The following WDR86 variants were observed in gnomAD, a reference collection of about 807,000 sequenced individuals.
WDR86 encodes WD repeat domain 86, also known as WD repeat-containing protein 86.
WDR86 carries 30 observed loss-of-function variants against 36.5 expected under a neutral mutation model. The observed-to-expected ratio is 0.82, with a 90% CI of 0.61 to 1.11. The LOEUF is 1.11. WDR86 is among the 50% of genes most tolerant of loss of function. The probability of loss-of-function intolerance (pLI) is 0.00; values close to 1 mark genes in which losing one functional copy is unlikely to be tolerated. For missense variants in WDR86, 545 were observed against 561.2 expected, an observed-to-expected ratio of 0.97 and a Z score of 0.29; for synonymous variants, 255 against 252.9, an observed-to-expected ratio of 1.01 and a Z score of -0.08.
chr7:151,375,968 C>T (rs376361966), exon 2 of WDR86: 4 of 1,471,026 alleles, frequency 2.7e-6, no homozygotes, highest in South Asian at 1.1e-5. Flanking sequence ...TTTGTGCCCT[C>T]AGCTTGGACA....
In WDR86 at chr7:151,390,610, G is replaced by A. The variant is rs895999055; in HGVS notation, c.726+5166C>T. ...GGATGCACCCAGATCCCGTCCACCC[G>A]TTCACAACAGCTGAAAGGTGAAAGC... On this transcript the variant is annotated intron_variant, in intron 3 of 5. Transcript: ENST00000334493. The surrounding 1 kb of genome is among the most constrained non-coding windows in gnomAD (Gnocchi z 4.5). Among the ~76,000 whole-genome samples the A allele has an allele frequency of 1.1e-4, 17 of 152,214 alleles. No homozygotes were observed. Among genetic ancestry groups the A allele is most frequent in the Admixed American group, 2.0e-4 (3 of 15,282 alleles).
downstream of WDR86, among the ~76,000 whole-genome samples, chr7:151,373,445 C>T (rs12668261): frequency 0.44 from 67,368 of 151,998 alleles, 16,116 homozygotes; most frequent in Non-Finnish European, 0.55. Flanking sequence ...CCTCTGCAGC[C>T]GTCCTGCGCT....
intron 4 of WDR86, among the ~76,000 whole-genome samples, chr7:151,382,683 G>T (rs932145290): frequency 1.3e-5 from 2 of 152,252 alleles, no homozygotes; most frequent in Admixed American, 6.5e-5. Flanking sequence ...CACTGAGGAT[G>T]TGGACTAGAA....
intron 3 of WDR86, 139 bp from the exon 4 acceptor site, chr7:151,385,362 G>T: frequency 7.0e-7 from 1 of 1,429,502 alleles, no homozygotes; most frequent in African/African-American, 1.4e-5. Flanking sequence ...CCCGCCACCG[G>T]CCCCACCAGA....
chr7:151,404,237 A>G (rs891433504), intron 1 of WDR86, among the ~76,000 whole-genome samples: 76 of 152,082 alleles, frequency 5.0e-4, no homozygotes, highest in African/African-American at 1.8e-3. Context: ...TTAAAAAAAA[A>G]ACTCCATTTC....
intron 1 of WDR86, among the ~76,000 whole-genome samples, chr7:151,402,070 AATAT>A (rs748373598): frequency 0.012 from 615 of 50,470 alleles, 24 homozygotes; most frequent in Middle Eastern, 0.039. Flanking sequence ...AAAAAAAAAA[AATAT>A]ATATATATAT....
chr7:151,397,776 A>AGGAAGAGGGTGTAGCG (rs1799962166), intron 2 of WDR86, among the ~76,000 whole-genome samples: 1 of 30,392 alleles, frequency 3.3e-5, no homozygotes, highest in African/African-American at 1.4e-4. Flanking sequence ...AGGGCGTAGC[A>AGGAAGAGGGTGTAGCG]GGAGGAAGGG....
rs1330824205 is a variant in WDR86 at position 151,385,176 on chromosome 7, C to T, written c.774G>A (p.Lys258=). Residue 258 remains lysine, a synonymous_variant, in exon 4 of 6, where the codon AAG becomes AAA. Transcript: ENST00000334493. ...VYSGSADRTV[K]CWLADTGECV... ...ACTCCCCTGTGTCTGCCAGCCAGCA[C>T]TTGACGGTCCTGTCCGCGCTGCCAG... 1.2e-6 allele frequency: 2 copies of T among 1,613,084 alleles called. No individual in the cohort carries two copies. Among genetic ancestry groups the T allele is most frequent in the African/African-American group, 1.3e-5 (1 of 74,950 alleles).
downstream of WDR86, among the ~76,000 whole-genome samples, chr7:151,371,914 C>G (rs890648886): frequency 6.6e-6 from 1 of 152,134 alleles, no homozygotes; most frequent in Non-Finnish European, 1.5e-5. Flanking sequence ...ACCATGTTGC[C>G]CAGGCCAGTC....
chr7:151,374,397 A>AG, downstream of WDR86: 3 of 1,051,992 alleles, frequency 2.9e-6, no homozygotes, highest in Non-Finnish European at 4.2e-6. Flanking sequence ...GCTCCAGCCC[A>AG]GACACAGGCT....
rs1465390359 is a variant in WDR86, at chr7:151,409,321, G to C, written c.163+106C>G. On this transcript the variant is annotated intron_variant, in intron 1 of 5. Coordinates refer to ENST00000334493, the MANE Select transcript of WDR86 (RefSeq NM_198285.3). This position sits in a 1 kb window ranked among gnomAD's most constrained non-coding sequence, Gnocchi z 5.2. Reference sequence around the variant, plus strand: ...TTCCGCTAGTGTGCCGGGATGAGCGGGGGCTGGACTTCTAGAAAGGGGTCT... The same window carrying C: ...TTCCGCTAGTGTGCCGGGATGAGCGCGGGCTGGACTTCTAGAAAGGGGTCT... The C allele has an allele frequency of 4.0e-6, 6 of 1,488,502 alleles. No homozygotes were observed. The South Asian group carries it at 6.2e-5, about 15-fold the overall frequency. The allele number at this position is 1,488,502 out of a possible 1,614,324, so 92.2% of individuals were successfully genotyped here.
intron 2 of WDR86, among the ~76,000 whole-genome samples, chr7:151,397,497 C>T (rs1339424658): frequency 6.6e-6 from 1 of 152,246 alleles, no homozygotes; most frequent in Non-Finnish European, 1.5e-5. Context: ...GATCTCGGCT[C>T]ACTGCAACCT....
downstream of WDR86, among the ~76,000 whole-genome samples, chr7:151,379,488 A>T (rs7795959): frequency 1.3e-5 from 2 of 151,836 alleles, no homozygotes; most frequent in Non-Finnish European, 2.9e-5. Flanking sequence ...TTCTTCATTC[A>T]TAGCAAGGCG....
At chr7:151,400,755 C>T (rs59658645) in intron 1 of WDR86, among the ~76,000 whole-genome samples, 4,247 of 152,258 alleles carry the variant, frequency 0.028, 241 homozygotes, top group East Asian at 0.23. Context: ...CAGTGAGGCA[C>T]GACAGATAGT....
intron 1 of WDR86, among the ~76,000 whole-genome samples, chr7:151,402,070 A>AAAAAAAAAAAAAAAAAAATATATATATAT: frequency 2.0e-5 from 1 of 50,556 alleles, no homozygotes; most frequent in Non-Finnish European, 3.3e-5. Context: ...AAAAAAAAAA[A>AAAAAAAAAAAAAAAAAAATATATATATAT]ATATATATAT....
downstream of WDR86, among the ~76,000 whole-genome samples, chr7:151,380,345 C>G (rs1446554980): frequency 6.6e-6 from 1 of 152,346 alleles, no homozygotes; most frequent in Non-Finnish European, 1.5e-5. Flanking sequence ...CCCCGGCCGT[C>G]TCTGATGAAG....
rs778098478 is a variant in WDR86, at chr7:151,385,311, G to C, written c.727-88C>G. On this transcript the variant is annotated intron_variant, in intron 3 of 5. Coordinates refer to ENST00000334493, the MANE Select transcript of WDR86 (RefSeq NM_198285.3). ...CTCTATAAGGGGGGAAGGGGCATGT[G>C]CAGGTCTCAGTGGTGAAACCATGGG... is the stretch of plus-strand genomic sequence containing the variant. The C allele has an allele frequency of 1.9e-6, 3 of 1,567,306 alleles. No homozygotes were observed. The African/African-American group carries it at 4.0e-5, about 21-fold the overall frequency.
chr7:151,393,692 TA>T (rs1358523164), intron 3 of WDR86, among the ~76,000 whole-genome samples: 1 of 151,852 alleles, frequency 6.6e-6, no homozygotes, highest in Non-Finnish European at 1.5e-5. Flanking sequence ...ATGAGCCAGG[TA>T]GGGGGGGTCT....
rs1017857522 is a variant in WDR86 at position 151,388,799 on chromosome 7, T to C, written c.727-3576A>G. Reference sequence around the variant, plus strand: ...GGCTGACGGTCGGAGGCGGGGTATATGAAGCTATGGTCTGAGTGTCGGAAC... The same window carrying C: ...GGCTGACGGTCGGAGGCGGGGTATACGAAGCTATGGTCTGAGTGTCGGAAC... On this transcript the variant is annotated intron_variant, in intron 3 of 5. Coordinates refer to ENST00000334493, the MANE Select transcript of WDR86 (RefSeq NM_198285.3). The surrounding 1 kb of genome is among the most constrained non-coding windows in gnomAD (Gnocchi z 4.2). Among the ~76,000 whole-genome samples, 1 of 152,156 alleles carries C rather than the reference T, an allele frequency of 6.6e-6. No individual in the cohort carries two copies. Among genetic ancestry groups the C allele is most frequent in the African/African-American group, 2.4e-5 (1 of 41,432 alleles).
Sources: gnomAD v4.1 joint callset for allele counts (sites outside exome capture counted in the v4.1 genomes callset) on GRCh38, gnomAD v4.1.1 for gene constraint, Gnocchi (gnomAD v3.1) non-coding constraint, MANE v1.5 for transcripts, NCBI Gene and HGNC (gene_info 2026-07-23, HGNC 2026-07-21) for gene names.